The following TCF12 variants were observed in gnomAD, a reference collection of about 807,000 sequenced individuals.
The protein encoded by TCF12 is transcription factor 12.
TCF12 carries 45 observed loss-of-function variants against 86.0 expected under a neutral mutation model. The observed-to-expected ratio is 0.52, with a 90% CI of 0.41 to 0.67. TCF12 has a LOEUF of 0.67. Ranked by LOEUF, TCF12 falls within the 30% of genes least tolerant of loss-of-function variation. The pLI is 0.00. For synonymous variants in TCF12, 330 were observed against 299.6 expected, an observed-to-expected ratio of 1.10 and a Z score of -1.05; for missense variants, 881 against 859.9, an observed-to-expected ratio of 1.02 and a Z score of -0.31.
At position 57,200,463 on chromosome 15, in the gene TCF12, CTA is replaced by C. The variant is rs1348722532; in HGVS notation, c.579+2640_579+2641del. Among the ~76,000 whole-genome samples, 4 of 152,114 alleles carry C rather than the reference CTA, an allele frequency of 2.6e-5. No individual in the cohort carries two copies. In the East Asian group the frequency reaches 5.8e-4, roughly 22 times the overall value. On this transcript the variant is annotated intron_variant, in intron 8 of 20. Coordinates refer to ENST00000333725, the MANE Select transcript of TCF12 (RefSeq NM_207037.2). ...ATGGAGTATTAAAAATGAAAATTGA[CTA>C]TGTATATTTTATTTTATGATAATTT...
At chr15:56,972,074 G>A (rs1011307259) in intron 3 of TCF12, among the ~76,000 whole-genome samples, 1 of 152,166 alleles carries the variant, frequency 6.6e-6, no homozygotes, top group Non-Finnish European at 1.5e-5. Context: ...TAGGGTATAT[G>A]AATTTTATCT....
chr15:57,004,672 G>A (rs2064243937), intron 3 of TCF12, among the ~76,000 whole-genome samples: 1 of 152,070 alleles, frequency 6.6e-6, no homozygotes, highest in African/African-American at 2.4e-5. Flanking sequence ...GCTTCCTAAA[G>A]TGCTGGGATT....
At chr15:56,975,125 T>G (rs761075585) in intron 3 of TCF12, among the ~76,000 whole-genome samples, 3 of 152,148 alleles carry the variant, frequency 2.0e-5, no homozygotes, top group Non-Finnish European at 4.4e-5. Flanking sequence ...CATTTTTAGC[T>G]TATGTACAAA....
chr15:57,087,407 GTC>G (rs2048718229), intron 4 of TCF12, among the ~76,000 whole-genome samples: 1 of 67,744 alleles, frequency 1.5e-5, no homozygotes, highest in Non-Finnish European at 2.6e-5. Context: ...GCAAGACCCT[GTC>G]TCAAAAAAAA....
In TCF12 at chr15:56,958,678, AGT is replaced by A. The variant is rs55707134; in HGVS notation, c.148+37616_148+37617del. ...ATATGAGAAAGAGAGAGAGAGAGAG[AGT>A]GTGTGTGTGTGTGTGTGTGTGTGTG... On this transcript the variant is annotated intron_variant, in intron 3 of 20. Transcript: ENST00000333725. Among the ~76,000 whole-genome samples the A allele has an allele frequency of 2.9e-3, 416 of 142,252 alleles. 4 individuals carry two copies. The highest frequency in any genetic ancestry group is 7.6e-3 in the African/African-American group (269 of 35,456). 93.3% of individuals were successfully genotyped at this position (142,252 alleles called of 152,430 possible).
chr15:57,290,450 T>G (rs1016924132), downstream of TCF12, among the ~76,000 whole-genome samples: 105 of 151,692 alleles, frequency 6.9e-4, 1 homozygote, highest in African/African-American at 2.4e-3. Flanking sequence ...AAGAGGAAGT[T>G]AGAAGGGTAA....
chr15:57,236,167 A>G (rs922320816), intron 12 of TCF12, among the ~76,000 whole-genome samples: 3 of 152,276 alleles, frequency 2.0e-5, no homozygotes, highest in African/African-American at 4.8e-5. Context: ...ACTGCATGCC[A>G]TAGTCTGCAC....
At chr15:56,927,003 G>T (rs535065548) in intron 3 of TCF12, among the ~76,000 whole-genome samples, 1 of 152,250 alleles carries the variant, frequency 6.6e-6, no homozygotes, top group East Asian at 1.9e-4. Flanking sequence ...CTGGTGAAGG[G>T]TTAGATTTGG....
intron 3 of TCF12, among the ~76,000 whole-genome samples, chr15:57,051,813 T>A (rs1296681677): frequency 6.6e-6 from 1 of 152,234 alleles, no homozygotes; most frequent in African/African-American, 2.4e-5. Context: ...TCAGTTGAAT[T>A]TTTCATATGA....
intron 3 of TCF12, among the ~76,000 whole-genome samples, chr15:56,998,182 C>T (rs547001197): frequency 4.3e-4 from 65 of 152,124 alleles, no homozygotes; most frequent in Non-Finnish European, 7.1e-4. Context: ...GTGGTCTGGG[C>T]GTTGTAGCTC....
chr15:57,053,760 CTA>C (rs2067797028), intron 3 of TCF12, among the ~76,000 whole-genome samples: 1 of 152,104 alleles, frequency 6.6e-6, no homozygotes, highest in Non-Finnish European at 1.5e-5. Flanking sequence ...CCTGAAGTAT[CTA>C]TCATTTGGCC....
chr15:57,199,216 C>G (rs913480175), intron 8 of TCF12, among the ~76,000 whole-genome samples: 1 of 152,046 alleles, frequency 6.6e-6, no homozygotes, highest in African/African-American at 2.4e-5. Flanking sequence ...TTTTCAGCAG[C>G]AGCTAAAAAT....
At chr15:56,966,482 A>G (rs2062010606) in intron 3 of TCF12, among the ~76,000 whole-genome samples, 2 of 152,222 alleles carry the variant, frequency 1.3e-5, no homozygotes, top group African/African-American at 4.8e-5. Context: ...GTGTTGATAT[A>G]TGACAAGAGA....
chr15:57,180,386 A>G (rs1597111594), intron 6 of TCF12, among the ~76,000 whole-genome samples: 1 of 152,226 alleles, frequency 6.6e-6, no homozygotes, highest in Non-Finnish European at 1.5e-5. Context: ...TGGTAATACT[A>G]TAATAATTCT....
intron 8 of TCF12, among the ~76,000 whole-genome samples, chr15:57,226,944 C>T (rs1348438470): frequency 3.9e-5 from 6 of 152,072 alleles, no homozygotes; most frequent in Admixed American, 6.5e-5. Context: ...AGCATAGATA[C>T]GGAACATTTC....
At chr15:57,245,938 C>T (rs113217515) in intron 13 of TCF12, among the ~76,000 whole-genome samples, 241 of 152,150 alleles carry the variant, frequency 1.6e-3, no homozygotes, top group Admixed American at 1.1e-3. Context: ...CACACACACA[C>T]CCTTACCCAC....
intron 5 of TCF12, among the ~76,000 whole-genome samples, chr15:57,150,878 CCTTCCTTCCTTCCTTCCTTCCTTCCTT>C (rs2053693175): frequency 4.2e-5 from 4 of 95,560 alleles, no homozygotes; most frequent in South Asian, 4.4e-4. Flanking sequence ...TCTGTCCCTT[CCTTCCTTCCTTCCTTCCTTCCTTCCTT>C]CCTTCCTTCC....
At chr15:57,146,731 TAAATC>T (rs2053390279) in intron 5 of TCF12, among the ~76,000 whole-genome samples, 1 of 152,236 alleles carries the variant, frequency 6.6e-6, no homozygotes, top group Non-Finnish European at 1.5e-5. Flanking sequence ...CTGTAATACT[TAAATC>T]AACTGAGCTT....
At chr15:56,951,321 ATACT>A (rs1298687895) in intron 3 of TCF12, among the ~76,000 whole-genome samples, 3 of 152,160 alleles carry the variant, frequency 2.0e-5, no homozygotes, top group African/African-American at 4.8e-5. Context: ...ATCTTTTCAT[ATACT>A]TACTTGCTAT....
Sources: gnomAD v4.1 joint callset for allele counts (sites outside exome capture counted in the v4.1 genomes callset) on GRCh38, gnomAD v4.1.1 for gene constraint, MANE v1.5 for transcripts, NCBI Gene and HGNC (gene_info 2026-07-23, HGNC 2026-07-21) for gene names.